FKBP1B: variants seen among roughly 807,000 people sequenced by gnomAD.
The protein encoded by FKBP1B is FKBP prolyl isomerase 1B.
A neutral mutation model predicts 13.5 loss-of-function variants in FKBP1B; 4 were observed. That is an observed-to-expected ratio of 0.30 (90% confidence interval 0.15 to 0.68). The LOEUF (loss-of-function observed/expected upper bound fraction) is 0.68. Among genes scored for constraint, FKBP1B ranks in the 30% least tolerant of loss-of-function variants. The pLI is 0.76. For synonymous variants in FKBP1B, 54 were observed against 53.6 expected, an observed-to-expected ratio of 1.01 and a Z score of -0.03; for missense variants, 93 against 136.2, an observed-to-expected ratio of 0.68 and a Z score of 1.58.
intron 2 of FKBP1B, among the ~76,000 whole-genome samples, chr2:24,057,474 A>C (rs1408570425): frequency 2.6e-5 from 4 of 152,154 alleles, no homozygotes; most frequent in African/African-American, 9.7e-5. Context: ...CCCAGGTTCA[A>C]GCAATTCTCC....
At chr2:24,048,874 G>C (rs952126924), upstream of FKBP1B, among the ~76,000 whole-genome samples, 2 of 152,142 alleles carry the variant, frequency 1.3e-5, no homozygotes, top group African/African-American at 2.4e-5. Context: ...TTAGTACCTG[G>C]AAGACAGCCA....
chr2:24,038,551 T>A, the FKBP1B span: 1 of 1,614,248 alleles, frequency 6.2e-7, no homozygotes, highest in South Asian at 1.1e-5. Flanking sequence ...ATGTGAAGAA[T>A]CTTGGCCAGT....
At chr2:24,052,464 C>T (rs1272580186) in intron 1 of FKBP1B, among the ~76,000 whole-genome samples, 1 of 152,172 alleles carries the variant, frequency 6.6e-6, no homozygotes, top group Non-Finnish European at 1.5e-5. Context: ...TTACTCCTTT[C>T]CCAAGTGCTA....
chr2:24,041,824 C>G, the FKBP1B span, among the ~76,000 whole-genome samples: 1 of 139,406 alleles, frequency 7.2e-6, no homozygotes, highest in East Asian at 2.1e-4. Flanking sequence ...CGCCACTGCA[C>G]TCCAGCCTGG....
chr2:24,061,550 C>T (rs183387841), intron 3 of FKBP1B, among the ~76,000 whole-genome samples: 213 of 152,186 alleles, frequency 1.4e-3, no homozygotes, highest in Middle Eastern at 0.014. Context: ...GAAAATTTTT[C>T]GTTTTTTCGC....
chr2:24,055,749 TACAA>T (rs896646157), intron 2 of FKBP1B, among the ~76,000 whole-genome samples: 29 of 152,356 alleles, frequency 1.9e-4, no homozygotes, highest in African/African-American at 6.7e-4. Context: ...TTTTGTTTAT[TACAA>T]ACAGTGTCAC....
chr2:24,062,701 C>T (rs940503629), intron 3 of FKBP1B, among the ~76,000 whole-genome samples: 1 of 152,142 alleles, frequency 6.6e-6, no homozygotes, highest in Admixed American at 6.5e-5. Context: ...TGAGTATTTA[C>T]GTGTGCTATT....
the FKBP1B span, chr2:24,037,731 G>C: frequency 6.2e-7 from 1 of 1,614,100 alleles, no homozygotes; most frequent in Admixed American, 1.7e-5. Flanking sequence ...ACACTGAAGA[G>C]GATTTCTTCC....
At chr2:24,048,740 G>C (rs149748434), upstream of FKBP1B, among the ~76,000 whole-genome samples, 3 of 152,162 alleles carry the variant, frequency 2.0e-5, no homozygotes, top group African/African-American at 7.2e-5. Context: ...TATTTTTCTA[G>C]ATTCCTGAAT....
At chr2:24,042,113 G>A in the FKBP1B span, among the ~76,000 whole-genome samples, 38 of 152,132 alleles carry the variant, frequency 2.5e-4, no homozygotes, top group African/African-American at 8.9e-4. Flanking sequence ...ACTAATTTTA[G>A]TATAAAGCCT....
chr2:24,059,600 G>A (rs565230617), intron 2 of FKBP1B, among the ~76,000 whole-genome samples: 58 of 152,168 alleles, frequency 3.8e-4, no homozygotes, highest in African/African-American at 1.4e-3. Flanking sequence ...GCATAAAAAA[G>A]TTGAAAAGTC....
intron 2 of FKBP1B, chr2:24,054,212 T>C (rs1419251979): frequency 1.1e-5 from 7 of 642,406 alleles, no homozygotes; most frequent in Non-Finnish European, 2.0e-5. Flanking sequence ...ACACCTTCAG[T>C]CCCCTTCCTT....
upstream of FKBP1B, chr2:24,049,650 C>G: frequency 7.8e-6 from 3 of 386,716 alleles, no homozygotes; most frequent in Non-Finnish European, 1.4e-5. Context: ...CCGGCCGACC[C>G]CACCTTTCCG....
intron 2 of FKBP1B, among the ~76,000 whole-genome samples, chr2:24,059,843 C>T (rs760247712): frequency 7.2e-5 from 10 of 139,306 alleles, no homozygotes; most frequent in Non-Finnish European, 1.1e-4. Context: ...TGCAGTGAAC[C>T]GAGATCACAC....
At chr2:24,055,675 G>C (rs923031366) in intron 2 of FKBP1B, among the ~76,000 whole-genome samples, 2 of 152,138 alleles carry the variant, frequency 1.3e-5, no homozygotes, top group Admixed American at 1.3e-4. Flanking sequence ...GTATTTTAAC[G>C]TACAAGTATG....
At chr2:24,061,827 G>A (rs945214795) in intron 3 of FKBP1B, among the ~76,000 whole-genome samples, 5 of 152,100 alleles carry the variant, frequency 3.3e-5, no homozygotes, top group African/African-American at 2.4e-5. Flanking sequence ...TTCTTTCTTG[G>A]TCTGTCTGTG....
chr2:24,048,024 C>A (rs1663687847), upstream of FKBP1B, among the ~76,000 whole-genome samples: 2 of 152,152 alleles, frequency 1.3e-5, no homozygotes, highest in Non-Finnish European at 2.9e-5. Flanking sequence ...GGGACCTAAG[C>A]ATCCGGGAGA....
the FKBP1B span, among the ~76,000 whole-genome samples, chr2:24,041,353 A>C: frequency 2.0e-5 from 3 of 151,888 alleles, no homozygotes; most frequent in African/African-American, 7.3e-5. Flanking sequence ...AAAAAAAAAA[A>C]AACTGTTCCC....
At chr2:24,057,499 G>A (rs1039463392) in intron 2 of FKBP1B, among the ~76,000 whole-genome samples, 2 of 152,022 alleles carry the variant, frequency 1.3e-5, no homozygotes, top group African/African-American at 4.8e-5. Flanking sequence ...TCAGTCTTCC[G>A]AGTAGCTGGG....
Sources: allele counts gnomAD v4.1 joint callset (sites outside exome capture counted in the v4.1 genomes callset), GRCh38; gene constraint gnomAD v4.1.1; transcripts MANE v1.5; gene names NCBI Gene and HGNC (gene_info 2026-07-23, HGNC 2026-07-21).